Variants in DSCAM observed in about 807,000 individuals in gnomAD.
DSCAM encodes DS cell adhesion molecule, also known as cell adhesion molecule DSCAM.
In DSCAM, 47 loss-of-function variants were observed where a neutral mutation model predicts 217.7. The ratio of observed to expected loss-of-function variants is 0.22; its 90% CI spans 0.17 to 0.28. The LOEUF is 0.28. DSCAM is among the 10% of genes least tolerant of loss of function. The probability of loss-of-function intolerance (pLI) is 1.00; values close to 1 mark genes in which losing one functional copy is unlikely to be tolerated. For missense variants in DSCAM, 2,080 were observed against 2,618.3 expected (o/e 0.79, Z 4.49); for synonymous variants, 1,056 against 1,015.3 (o/e 1.04, Z -0.76).
chr21:40,560,382 A>G lies in DSCAM; in HGVS notation c.508+132428T>C, dbSNP rs1568905512. Among the ~76,000 whole-genome samples the G allele has an allele frequency of 2.6e-5, 4 of 152,118 alleles. No homozygotes were observed. In the South Asian group the frequency reaches 8.3e-4, roughly 31 times the overall value. On this transcript the variant is annotated intron_variant, in intron 3 of 32. Coordinates refer to ENST00000400454, the MANE Select transcript of DSCAM (RefSeq NM_001389.5). ...TGGAAAGCTGGAGGTAAGGATCCGG[A>G]AATTCCTGGCCAGCTCTAGATTTCA...
chr21:40,583,384 G>A (rs1334967194), intron 3 of DSCAM, among the ~76,000 whole-genome samples: 3 of 151,968 alleles, frequency 2.0e-5, no homozygotes, highest in East Asian at 3.9e-4. Flanking sequence ...ATCAACTTTC[G>A]GAACTATAAC....
intron 11 of DSCAM, among the ~76,000 whole-genome samples, chr21:40,249,894 G>C (rs1483872109): frequency 6.6e-6 from 1 of 152,130 alleles, no homozygotes; most frequent in Non-Finnish European, 1.5e-5. Flanking sequence ...GAGGCCTCAA[G>C]GTATTTTGTC....
At chr21:40,608,817 T>C (rs757968033) in intron 3 of DSCAM, among the ~76,000 whole-genome samples, 1 of 152,210 alleles carries the variant, frequency 6.6e-6, no homozygotes, top group Non-Finnish European at 1.5e-5. Context: ...TGGTTTGAAG[T>C]GTACCAGGGA....
intron 1 of DSCAM, among the ~76,000 whole-genome samples, chr21:40,714,623 A>G (rs1040898600): frequency 2.0e-5 from 3 of 152,174 alleles, no homozygotes; most frequent in African/African-American, 7.2e-5. Context: ...TTGGAATTAG[A>G]TAGCTTGCTT....
At chr21:40,830,773 A>G (rs928303571) in intron 1 of DSCAM, among the ~76,000 whole-genome samples, 9 of 152,254 alleles carry the variant, frequency 5.9e-5, no homozygotes, top group South Asian at 2.1e-4. Flanking sequence ...CTGGCACACA[A>G]TAAGAGCTCA....
At chr21:40,639,350 T>C (rs2089848785) in intron 3 of DSCAM, among the ~76,000 whole-genome samples, 1 of 152,202 alleles carries the variant, frequency 6.6e-6, no homozygotes, top group Admixed American at 6.5e-5. Context: ...TCAGAAGCTT[T>C]TTAGTATGTG....
At chr21:40,365,788 T>G (rs751370810) in intron 4 of DSCAM, among the ~76,000 whole-genome samples, 4 of 152,192 alleles carry the variant, frequency 2.6e-5, no homozygotes, top group African/African-American at 9.6e-5. Flanking sequence ...GTTTTCACTC[T>G]AGCTCCTAAC....
intron 27 of DSCAM, among the ~76,000 whole-genome samples, chr21:40,071,481 A>T (rs2089292132): frequency 6.6e-6 from 1 of 152,228 alleles, no homozygotes; most frequent in Non-Finnish European, 1.5e-5. Flanking sequence ...ATACAGTAAA[A>T]CATACTCAGC....
In DSCAM at chr21:40,072,636, C is replaced by G. The variant is rs533684663; in HGVS notation, c.4888+2401G>C. On this transcript the variant is annotated intron_variant, in intron 27 of 32. Coordinates refer to ENST00000400454, the MANE Select transcript of DSCAM (RefSeq NM_001389.5). ...GTGCTAGGATTACAGGTGTGAGCCA[C>G]CGCACCCGGCCTCTCCTGTCAGATT... is the stretch of plus-strand genomic sequence containing the variant. 3.3e-5 allele frequency among the ~76,000 whole-genome samples: 5 copies of G among 152,294 alleles called. No homozygotes were observed. In the East Asian group the frequency reaches 9.7e-4, roughly 30 times the overall value.
chr21:40,361,736 ACAGT>A (rs373346299), intron 4 of DSCAM, among the ~76,000 whole-genome samples: 8 of 152,360 alleles, frequency 5.3e-5, no homozygotes, highest in African/African-American at 1.7e-4. Flanking sequence ...TTACATAACC[ACAGT>A]CAGTATTACA....
Position 40,432,239 on chromosome 21 carries a change from TA to T in DSCAM, c.509-62995del, listed in dbSNP as rs1569120568. Among the ~76,000 whole-genome samples the T allele has an allele frequency of 3.0e-3, 449 of 151,758 alleles. 2 individuals are homozygous for T. Among genetic ancestry groups the T allele is most frequent in the African/African-American group, 0.01 (428 of 41,446 alleles). On this transcript the variant is annotated intron_variant, in intron 3 of 32. Coordinates refer to ENST00000400454, the MANE Select transcript of DSCAM (RefSeq NM_001389.5). ...ATAAATATATAAATAAATAAATAAA[TA>T]TCTTCTTCTTCTGATAGTCAAAAGG... is the stretch of plus-strand genomic sequence containing the variant.
chr21:40,783,139 A>G (rs1465703014), intron 1 of DSCAM, among the ~76,000 whole-genome samples: 2 of 152,232 alleles, frequency 1.3e-5, no homozygotes, highest in African/African-American at 2.4e-5. Context: ...ATAACACCTA[A>G]TTCAATAACA....
intron 5 of DSCAM, among the ~76,000 whole-genome samples, chr21:40,349,301 AAC>A (rs1250184454): frequency 5.9e-5 from 9 of 151,822 alleles, no homozygotes; most frequent in Non-Finnish European, 1.2e-4. Flanking sequence ...CAGGGCCAAT[AAC>A]ACACAATTGT....
intron 3 of DSCAM, chr21:40,629,613 TCCATGAGTAAGGA>T (rs1197585530): frequency 6.6e-6 from 1 of 152,146 alleles, no homozygotes; most frequent in Non-Finnish European, 1.5e-5. Flanking sequence ...GTGTGGAAGG[TCCATGAGTAAGGA>T]CCATGAAAGT....
intron 16 of DSCAM, among the ~76,000 whole-genome samples, chr21:40,158,308 T>A (rs533886999): frequency 6.6e-6 from 1 of 152,222 alleles, no homozygotes; most frequent in South Asian, 2.1e-4. Context: ...GAGGATCACA[T>A]GAGCCTGGAA....
At chr21:40,481,530 CAAAAAAAAAAAAA>C (rs34586895) in intron 3 of DSCAM, among the ~76,000 whole-genome samples, 1 of 60,510 alleles carries the variant, frequency 1.7e-5, no homozygotes, top group Non-Finnish European at 3.0e-5. Context: ...ACTCTGTCTC[CAAAAAAAAAAAAA>C]AAAAAAAAAG....
At chr21:40,634,008 C>T (rs1224670962) in intron 3 of DSCAM, among the ~76,000 whole-genome samples, 1 of 152,108 alleles carries the variant, frequency 6.6e-6, no homozygotes, top group Non-Finnish European at 1.5e-5. Context: ...GACCCAGGAA[C>T]ATAGCCTAAC....
intron 3 of DSCAM, among the ~76,000 whole-genome samples, chr21:40,418,194 C>T (rs1256065066): frequency 6.6e-6 from 1 of 151,868 alleles, no homozygotes; most frequent in Non-Finnish European, 1.5e-5. Context: ...CAGTGTTATC[C>T]ATTGTGTTTG....
At chr21:40,758,251 C>A (rs1167463979) in intron 1 of DSCAM, among the ~76,000 whole-genome samples, 1 of 152,146 alleles carries the variant, frequency 6.6e-6, no homozygotes. Flanking sequence ...ATAAATTCCT[C>A]CTGTTTTAGG....
Sources: gnomAD v4.1 joint callset for allele counts (sites outside exome capture counted in the v4.1 genomes callset) on GRCh38, gnomAD v4.1.1 for gene constraint, MANE v1.5 for transcripts, NCBI Gene and HGNC (gene_info 2026-07-23, HGNC 2026-07-21) for gene names.